Variants in ANO3 observed in about 807,000 individuals in gnomAD.
The protein encoded by ANO3 is anoctamin-3.
In ANO3, 99 loss-of-function variants were observed where a neutral mutation model predicts 144.8. The observed-to-expected ratio is 0.68, with a 90% CI of 0.58 to 0.81. ANO3 has a LOEUF of 0.81. ANO3 is among the 30% of genes least tolerant of loss of function. The pLI, the probability that ANO3 is intolerant of heterozygous loss-of-function variation, is 0.00. For synonymous variants in ANO3, 414 were observed against 392.6 expected (o/e 1.05, Z -0.64); for missense variants, 905 against 1,202.2 (o/e 0.75, Z 3.66).
At chr11:26,497,121 CACGTATATATGTATAT>C (rs1860994326) in intron 4 of ANO3, among the ~76,000 whole-genome samples, 1 of 151,128 alleles carries the variant, frequency 6.6e-6, no homozygotes, top group Admixed American at 6.6e-5. Context: ...TATATGTATA[CACGTATATATGTATAT>C]ACAAATATGT....
chr11:26,658,783 T>C (rs1370728651), intron 26 of ANO3, among the ~76,000 whole-genome samples: 1 of 152,290 alleles, frequency 6.6e-6, no homozygotes, highest in Admixed American at 6.5e-5. Flanking sequence ...TATTTGCTTT[T>C]ATATGGAAAA....
At chr11:26,629,827 C>T (rs1852718320) in intron 18 of ANO3, among the ~76,000 whole-genome samples, 1 of 152,074 alleles carries the variant, frequency 6.6e-6, no homozygotes, top group South Asian at 2.1e-4. Flanking sequence ...GACAGGGTTT[C>T]TCCATGTTAG....
At chr11:26,524,072 T>G (rs1207247669) in intron 6 of ANO3, among the ~76,000 whole-genome samples, 1 of 152,182 alleles carries the variant, frequency 6.6e-6, no homozygotes, top group Admixed American at 6.5e-5. Context: ...TAAATGCAAC[T>G]GTGAATTAAA....
At chr11:26,204,251 G>C (rs900445153) in intron 1 of ANO3, among the ~76,000 whole-genome samples, 14 of 151,998 alleles carry the variant, frequency 9.2e-5, no homozygotes, top group African/African-American at 3.1e-4. Context: ...ACCTTGGCAG[G>C]CACTCTTCTT....
At chr11:26,631,622 C>T (rs1259228738) in intron 18 of ANO3, among the ~76,000 whole-genome samples, 1 of 151,884 alleles carries the variant, frequency 6.6e-6, no homozygotes, top group African/African-American at 2.4e-5. Flanking sequence ...AGAAACACAA[C>T]TGAATTTAAA....
chr11:26,572,241 C>CCTG (rs1268562088), intron 14 of ANO3: 1 of 985,214 alleles, frequency 1.0e-6, no homozygotes, highest in African/African-American at 1.7e-5. Flanking sequence ...ACCTGACTGA[C>CCTG]CTGCTTCTCA....
chr11:26,418,707 C>T (rs191635550), intron 1 of ANO3, among the ~76,000 whole-genome samples: 10 of 151,736 alleles, frequency 6.6e-5, no homozygotes, highest in Middle Eastern at 6.8e-3. Flanking sequence ...CAAACAAGCG[C>T]GCGCGCGCAC....
chr11:26,395,521 C>T (rs544160312), intron 1 of ANO3, among the ~76,000 whole-genome samples: 1 of 152,156 alleles, frequency 6.6e-6, no homozygotes, highest in South Asian at 2.1e-4. Flanking sequence ...TCCTAGATAT[C>T]TTATTGTCTT....
chr11:26,553,145 C>A, intron 12 of ANO3, 104 bp from the exon 13 acceptor site: 1 of 814,168 alleles, frequency 1.2e-6, no homozygotes, highest in Non-Finnish European at 2.0e-6. Flanking sequence ...CTTTTCCTCT[C>A]TGCCTTGCTG....
At chr11:26,217,013 C>A (rs963230548) in intron 1 of ANO3, among the ~76,000 whole-genome samples, 1 of 151,962 alleles carries the variant, frequency 6.6e-6, no homozygotes, top group Non-Finnish European at 1.5e-5. Flanking sequence ...GAATCTGTAG[C>A]TTATGCTTTC....
At chr11:26,432,177 T>C (rs557661263) in intron 1 of ANO3, among the ~76,000 whole-genome samples, 270 of 152,278 alleles carry the variant, frequency 1.8e-3, no homozygotes, top group Non-Finnish European at 2.9e-3. Context: ...AGCTTTTTTT[T>C]CCCATAATTG....
upstream of ANO3, among the ~76,000 whole-genome samples, chr11:26,306,798 T>A (rs972946197): frequency 6.6e-6 from 1 of 152,250 alleles, no homozygotes; most frequent in Non-Finnish European, 1.5e-5. Context: ...AAAACATGTG[T>A]GAGGTCTCCT....
At chr11:26,522,234 C>G (rs898371351) in intron 6 of ANO3, among the ~76,000 whole-genome samples, 34 of 152,020 alleles carry the variant, frequency 2.2e-4, no homozygotes, top group African/African-American at 8.0e-4. Context: ...ACATTAAGAG[C>G]AATCATTTTT....
chr11:26,579,042 A>G (rs78919908), intron 14 of ANO3, among the ~76,000 whole-genome samples: 3,259 of 152,290 alleles, frequency 0.021, 59 homozygotes, highest in South Asian at 0.063. Context: ...TTAACTATCA[A>G]CTATTTTTAC....
intron 5 of ANO3, among the ~76,000 whole-genome samples, chr11:26,510,705 T>C (rs375562987): frequency 1.2e-4 from 18 of 152,348 alleles, no homozygotes; most frequent in African/African-American, 3.4e-4. Flanking sequence ...ACAGTCAGTA[T>C]AGGAGTCAGA....
chr11:26,550,661 C>T (rs1849909649), intron 12 of ANO3, among the ~76,000 whole-genome samples: 1 of 151,892 alleles, frequency 6.6e-6, no homozygotes, highest in Admixed American at 6.6e-5. Flanking sequence ...TTTCTTTCTT[C>T]ATTCATCAGT....
intron 6 of ANO3, among the ~76,000 whole-genome samples, chr11:26,522,720 T>C (rs890730974): frequency 6.6e-6 from 1 of 151,992 alleles, no homozygotes; most frequent in Non-Finnish European, 1.5e-5. Context: ...ATATTGAAAA[T>C]ATAAAAACAA....
chr11:26,291,564 G>A (rs1301910697), intron 1 of ANO3, among the ~76,000 whole-genome samples: 1 of 152,146 alleles, frequency 6.6e-6, no homozygotes, highest in Non-Finnish European at 1.5e-5. Flanking sequence ...TCCTTTCCAT[G>A]TTTAGTGCTT....
At chr11:26,471,162 A>G (rs933951263) in intron 4 of ANO3, among the ~76,000 whole-genome samples, 1 of 151,948 alleles carries the variant, frequency 6.6e-6, no homozygotes, top group Non-Finnish European at 1.5e-5. Flanking sequence ...TTTATTGCCC[A>G]AGTCTGTAAG....
Sources: allele counts gnomAD v4.1 joint callset (sites outside exome capture counted in the v4.1 genomes callset), GRCh38; gene constraint gnomAD v4.1.1; transcripts MANE v1.5; gene names NCBI Gene and HGNC (gene_info 2026-07-23, HGNC 2026-07-21).